DYNLT5: variants seen among roughly 807,000 people sequenced by gnomAD.
DYNLT5 encodes the protein dynein light chain Tctex-type 5.
DYNLT5 carries 25 observed loss-of-function variants against 19.3 expected under a neutral mutation model. The ratio of observed to expected loss-of-function variants is 1.30; its 90% CI spans 0.95 to 1.81. DYNLT5 has a LOEUF of 1.81. Among genes scored for constraint, DYNLT5 ranks in the 40% most tolerant of loss-of-function variants. The probability of loss-of-function intolerance (pLI) is 0.00; values close to 1 mark genes in which losing one functional copy is unlikely to be tolerated. For synonymous variants in DYNLT5, 82 were observed against 68.9 expected (o/e 1.19, Z -0.94); for missense variants, 232 against 217.9 (o/e 1.06, Z -0.41).
In DYNLT5 at chr1:66,777,389, T is replaced by A. The variant is rs1025487959; in HGVS notation, c.475T>A (p.Ser159Thr). The A allele has an allele frequency of 1.2e-6, 2 of 1,613,952 alleles. No individual in the cohort carries two copies. Among genetic ancestry groups the A allele is most frequent in the Non-Finnish European group, 8.5e-7 (1 of 1,179,890 alleles). The change falls in exon 5 of 5, where the codon TCT becomes ACT. Residue 159 changes from serine (S) to threonine (T), a missense_variant. Coordinates refer to ENST00000282670, the MANE Select transcript of DYNLT5 (RefSeq NM_152665.3). ...LWDPKSDTFS[S>T]YVFRNSSLFA... ...GGATCCTAAAAGTGATACCTTTTCA[T>A]CTTATGTTTTCAGAAATTCTTCTCT...
At chr1:66,762,703 T>G (rs1281142793) in intron 2 of DYNLT5, among the ~76,000 whole-genome samples, 1 of 152,198 alleles carries the variant, frequency 6.6e-6, no homozygotes, top group East Asian at 1.9e-4. Context: ...AATCGTAAGA[T>G]TTATGGGGTG....
chr1:66,756,900 C>T (rs1447045938), intron 2 of DYNLT5, among the ~76,000 whole-genome samples: 1 of 152,226 alleles, frequency 6.6e-6, no homozygotes, highest in South Asian at 2.1e-4. Context: ...GACTCCTTGC[C>T]TGCAATGCTC....
chr1:66,753,844 G>T (rs1163724716), intron 1 of DYNLT5, among the ~76,000 whole-genome samples: 3 of 152,064 alleles, frequency 2.0e-5, no homozygotes, highest in African/African-American at 7.2e-5. Flanking sequence ...TAGCTACTAG[G>T]GAGGCTGAGG....
At chr1:66,754,195 A>T (rs1195981971) in intron 1 of DYNLT5, among the ~76,000 whole-genome samples, 1 of 152,222 alleles carries the variant, frequency 6.6e-6, no homozygotes, top group Non-Finnish European at 1.5e-5. Flanking sequence ...AGCCATGATC[A>T]TGCCACTGCA....
intron 2 of DYNLT5, among the ~76,000 whole-genome samples, chr1:66,757,597 T>A (rs1385351657): frequency 6.6e-6 from 1 of 152,106 alleles, no homozygotes; most frequent in Non-Finnish European, 1.5e-5. Context: ...CCATCTGTAA[T>A]TTCAAATTAT....
chr1:66,761,105 A>C (rs1472207448), intron 2 of DYNLT5, among the ~76,000 whole-genome samples: 1 of 152,226 alleles, frequency 6.6e-6, no homozygotes, highest in African/African-American at 2.4e-5. Flanking sequence ...TCTTACTAGT[A>C]AAATGGAGCA....
At chr1:66,756,655 CA>C (rs2150858790) in intron 2 of DYNLT5, among the ~76,000 whole-genome samples, 2 of 152,270 alleles carry the variant, frequency 1.3e-5, no homozygotes, top group South Asian at 4.1e-4. Flanking sequence ...TCATTTCTAC[CA>C]CTTTACTATG....
chr1:66,766,437 T>A (rs1327487353), intron 2 of DYNLT5, among the ~76,000 whole-genome samples: 1 of 152,214 alleles, frequency 6.6e-6, no homozygotes, highest in Admixed American at 6.5e-5. Flanking sequence ...TCTTTAAAGA[T>A]TTCAAAGGAT....
At chr1:66,755,237 C>A (rs1006276632) in intron 2 of DYNLT5, among the ~76,000 whole-genome samples, 13 of 152,028 alleles carry the variant, frequency 8.6e-5, no homozygotes, top group African/African-American at 3.1e-4. Context: ...ATTCTGGGTT[C>A]CTTAACCATT....
At chr1:66,775,800 C>A (rs1200632203) in intron 3 of DYNLT5, among the ~76,000 whole-genome samples, 1 of 152,142 alleles carries the variant, frequency 6.6e-6, no homozygotes, top group Non-Finnish European at 1.5e-5. Context: ...ACAGGAGCAC[C>A]TTTATAGACA....
At chr1:66,768,129 T>C (rs946104796) in intron 2 of DYNLT5, among the ~76,000 whole-genome samples, 1 of 152,328 alleles carries the variant, frequency 6.6e-6, no homozygotes, top group African/African-American at 2.4e-5. Context: ...TGATACATGG[T>C]TAAATGAAAT....
chr1:66,760,795 C>A (rs2094644659), intron 2 of DYNLT5, among the ~76,000 whole-genome samples: 1 of 152,204 alleles, frequency 6.6e-6, no homozygotes, highest in Admixed American at 6.5e-5. Flanking sequence ...AACAAAAGTT[C>A]ATCAGCTGTG....
chr1:66,759,356 G>C (rs2094641819), intron 2 of DYNLT5, among the ~76,000 whole-genome samples: 2 of 152,108 alleles, frequency 1.3e-5, no homozygotes, highest in African/African-American at 4.8e-5. Context: ...TGTTCTAGGA[G>C]TAAGGAAAGA....
chr1:66,764,119 T>C (rs1433856980), intron 2 of DYNLT5, among the ~76,000 whole-genome samples: 2 of 151,960 alleles, frequency 1.3e-5, no homozygotes, highest in Admixed American at 6.6e-5. Flanking sequence ...GCCTGGGAGT[T>C]TGAAGATGCA....
intron 2 of DYNLT5, among the ~76,000 whole-genome samples, chr1:66,763,643 T>C (rs896951951): frequency 6.6e-6 from 1 of 152,240 alleles, no homozygotes; most frequent in African/African-American, 2.4e-5. Flanking sequence ...AGAGATGGCT[T>C]CTTTCCTCAA....
intron 3 of DYNLT5, chr1:66,775,039 G>A (rs533229426): frequency 6.6e-6 from 1 of 152,314 alleles, no homozygotes; most frequent in East Asian, 1.9e-4. Context: ...CTGTATGCCA[G>A]GCCCTGGGCA....
Position 66,777,361 on chromosome 1 carries a change from C to G in DYNLT5, c.447C>G (p.Leu149=), listed in dbSNP as rs1366990054. 2 of 1,613,958 alleles carry G rather than the reference C, an allele frequency of 1.2e-6. No homozygotes were observed. Among genetic ancestry groups the G allele is most frequent in the Non-Finnish European group, 1.7e-6 (2 of 1,179,918 alleles). The change falls in exon 5 of 5, where the codon CTC becomes CTG. Residue 149 remains leucine (L), a synonymous_variant. Transcript: ENST00000282670. The part of the protein sequence containing the change: ...RQSILIGSRC[L]WDPKSDTFSS... ...GCATACTTATTGGAAGCAGATGCCT[C>G]TGGGATCCTAAAAGTGATACCTTTT...
intron 2 of DYNLT5, among the ~76,000 whole-genome samples, chr1:66,758,117 A>G (rs1572543689): frequency 6.4e-5 from 1 of 15,570 alleles, no homozygotes; most frequent in African/African-American, 3.5e-4. Context: ...AACAAGCAGC[A>G]AAAATGGGCT....
At chr1:66,763,073 G>A (rs778437572) in intron 2 of DYNLT5, among the ~76,000 whole-genome samples, 89 of 152,344 alleles carry the variant, frequency 5.8e-4, no homozygotes, top group Middle Eastern at 6.8e-3. Flanking sequence ...TCCATGGGCT[G>A]CAGAATGAAT....
Sources: gnomAD v4.1 joint callset for allele counts (sites outside exome capture counted in the v4.1 genomes callset) on GRCh38, gnomAD v4.1.1 for gene constraint, MANE v1.5 for transcripts, NCBI Gene and HGNC (gene_info 2026-07-23, HGNC 2026-07-21) for gene names.